The following PDXK variants were observed in gnomAD, a reference collection of about 807,000 sequenced individuals.
PDXK encodes pyridoxal kinase.
In PDXK, 15 loss-of-function variants were observed where a neutral mutation model predicts 43.2. That is an observed-to-expected ratio of 0.35 (90% confidence interval 0.23 to 0.53). The LOEUF is 0.53. PDXK is among the 20% of genes least tolerant of loss of function. The pLI, the probability that PDXK is intolerant of heterozygous loss-of-function variation, is 0.92. For missense variants in PDXK, 343 were observed against 417.0 expected (o/e 0.82, Z 1.54); for synonymous variants, 172 against 165.4 (o/e 1.04, Z -0.31).
intron 1 of PDXK, among the ~76,000 whole-genome samples, chr21:43,724,453 G>A (rs1395862190): frequency 7.9e-5 from 12 of 152,134 alleles, no homozygotes; most frequent in Admixed American, 7.9e-4. Flanking sequence ...CGCGAGCAGC[G>A]AGTAACCCCG....
chr21:43,729,167 C>T (rs1334301415), intron 1 of PDXK, among the ~76,000 whole-genome samples: 3 of 152,008 alleles, frequency 2.0e-5, no homozygotes, highest in Admixed American at 6.6e-5. Flanking sequence ...CGGAGTTACA[C>T]CTTGCGGTAG....
At position 43,735,254 on chromosome 21, in the gene PDXK, T is replaced by C. The variant is rs540240597; in HGVS notation, c.142+1131T>C. Among the ~76,000 whole-genome samples the C allele has an allele frequency of 6.6e-6, 1 of 152,100 alleles. No homozygotes were observed. Among genetic ancestry groups the C allele is most frequent in the East Asian group, 1.9e-4 (1 of 5,188 alleles). ...TCCTGGCTGCTCTCGCCATCCTCCT[T>C]TAGGATTTATTTTTCAGTGAGTGAG... On this transcript the variant is annotated intron_variant, in intron 2 of 10. Transcript: ENST00000291565. This position sits in a 1 kb window ranked among gnomAD's most constrained non-coding sequence, Gnocchi z 5.3.
In PDXK at chr21:43,734,393, C is replaced by T. The variant is rs371785053; in HGVS notation, c.142+270C>T. 2.4e-4 allele frequency among the ~76,000 whole-genome samples: 37 copies of T among 152,258 alleles called. No individual in the cohort carries two copies. The highest frequency in any genetic ancestry group is 8.4e-4 in the African/African-American group (35 of 41,540). On this transcript the variant is annotated intron_variant, in intron 2 of 10. Transcript: ENST00000291565. The surrounding 1 kb of genome is among the most constrained non-coding windows in gnomAD (Gnocchi z 5.0). ...ACCCAGTGCAGGTGGCAGAACCTCT[C>T]GGTGCTTCAGTTTCCTTCTCTGTAA...
chr21:43,719,459 T>C (rs886380636), intron 1 of PDXK, 78 bp downstream of exon 1: 1 of 1,395,358 alleles, frequency 7.2e-7, no homozygotes, highest in East Asian at 3.0e-5. Flanking sequence ...CGAGCCTCAG[T>C]TCCCCGAGGG....
intron 8 of PDXK, 31 bp downstream of exon 8, chr21:43,752,660 C>T (rs1359869220): frequency 3.1e-6 from 4 of 1,307,862 alleles, no homozygotes; most frequent in Non-Finnish European, 2.2e-6. Context: ...CCGTGGCCGC[C>T]TCTGCTCTTC....
intron 1 of PDXK, chr21:43,729,127 C>T (rs2083285909): frequency 1.7e-6 from 1 of 596,046 alleles, no homozygotes; most frequent in Admixed American, 6.3e-5. Flanking sequence ...CTTCCCACCC[C>T]GGCTCCGCTG....
chr21:43,719,395 C>T lies in PDXK; in HGVS notation c.87+14C>T, dbSNP rs192114865. 8.8e-4 allele frequency: 1,331 copies of T among 1,518,946 alleles called. 11 individuals carry two copies. In the African/African-American group the frequency reaches 0.017, roughly 20 times the overall value. 94.1% of individuals were successfully genotyped at this position (1,518,946 alleles called of 1,614,324 possible). A position where few individuals can be genotyped will look rare whatever the true frequency, so the allele number is the denominator to read the frequency against. ...TTCCCGCTGCAGGTACGCATCCGCCCGCAGCCCGGGCTTACGTAACCCGAG... is the reference window on the plus strand; with the variant it reads ...TTCCCGCTGCAGGTACGCATCCGCCTGCAGCCCGGGCTTACGTAACCCGAG... On this transcript the variant is annotated intron_variant, in intron 1 of 10. Coordinates refer to ENST00000291565, the MANE Select transcript of PDXK (RefSeq NM_003681.5).
At chr21:43,743,910 C>A in intron 4 of PDXK, 103 bp downstream of exon 4, 2 of 741,164 alleles carry the variant, frequency 2.7e-6, no homozygotes, top group Non-Finnish European at 4.7e-6. Flanking sequence ...CTCCTCTGCA[C>A]GCCTCCGTGC....
chr21:43,719,371 T>G lies in PDXK; in HGVS notation c.77T>G (p.Phe26Cys). ...TACGTGGGCAACCGGGCGGCCACGT[T>G]CCCGCTGCAGGTACGCATCCGCCCG... Reference protein sequence around the residue: ...RGYVGNRAATFPLQVLGFEID... With the variant: ...RGYVGNRAATCPLQVLGFEID... Residue 26 changes from phenylalanine (F) to cysteine (C), a missense_variant, in exon 1 of 11, where the codon TTC becomes TGC. Phe to Cys is a radical substitution (Grantham distance 205). Transcript: ENST00000291565. 6.6e-7 allele frequency: 1 copy of G among 1,523,742 alleles called. No individual in the cohort carries two copies. The highest frequency in any genetic ancestry group is 8.8e-7 in the Non-Finnish European group (1 of 1,136,688). 94.4% of individuals were successfully genotyped at this position (1,523,742 alleles called of 1,614,324 possible). A position where few individuals can be genotyped will look rare whatever the true frequency, so the allele number is the denominator to read the frequency against.
intron 1 of PDXK, among the ~76,000 whole-genome samples, chr21:43,730,504 C>T (rs1568974825): frequency 6.6e-6 from 1 of 152,180 alleles, no homozygotes; most frequent in African/African-American, 2.4e-5. Flanking sequence ...AAACTACCAA[C>T]CTGAGCAGGA....
chr21:43,755,947 G>A lies in PDXK; in HGVS notation c.827-4G>A, dbSNP rs370055182. 6.1e-5 allele frequency: 97 copies of A among 1,603,040 alleles called. No homozygotes were observed. The highest frequency in any genetic ancestry group is 1.5e-4 in the Admixed American group (9 of 59,604). Reference sequence around the variant, plus strand: ...GAACTCAGTGCTCTCTGCCTGCCCCGCAGCCCAGGCCGGGGAAGGAGTGAG... The same window carrying A: ...GAACTCAGTGCTCTCTGCCTGCCCCACAGCCCAGGCCGGGGAAGGAGTGAG... On this transcript the variant is annotated splice_polypyrimidine_tract_variant and splice_region_variant and intron_variant, in intron 10 of 10. Coordinates refer to ENST00000291565, the MANE Select transcript of PDXK (RefSeq NM_003681.5).
chr21:43,750,879 T>G (rs2083731437), intron 7 of PDXK, among the ~76,000 whole-genome samples: 1 of 151,646 alleles, frequency 6.6e-6, no homozygotes, highest in African/African-American at 2.4e-5. Flanking sequence ...TGTGCATGTG[T>G]GTCCATGGGC....
At chr21:43,739,354 T>G (rs2083455672) in intron 2 of PDXK, among the ~76,000 whole-genome samples, 1 of 152,154 alleles carries the variant, frequency 6.6e-6, no homozygotes, top group Non-Finnish European at 1.5e-5. Context: ...CTGTCTCTTC[T>G]CATTCCTTTG....
rs1031738214 is a variant in PDXK, at chr21:43,737,672, C to T, written c.142+3549C>T. On this transcript the variant is annotated intron_variant, in intron 2 of 10. Transcript: ENST00000291565. The surrounding 1 kb of genome is among the most constrained non-coding windows in gnomAD (Gnocchi z 4.8). ...CTGCGGGGCTGGAGAAGGCCAGGGC[C>T]AGGAGCCTGCCGACGGACACCAGCG... is the stretch of plus-strand genomic sequence containing the variant. The T allele has an allele frequency of 1.4e-4, 110 of 772,792 alleles. No homozygotes were observed. The highest frequency in any genetic ancestry group is 1.7e-4 in the Non-Finnish European group (108 of 640,500). The allele number at this position is 772,792 out of a possible 1,614,324, so 47.9% of individuals were successfully genotyped here.
rs987678484 is a variant in PDXK, at chr21:43,735,621, G to A, written c.142+1498G>A. Reference sequence around the variant, plus strand: ...CCCTTCCCATGGGGTCCAGCCTGTGGTTCCTGGGAGCCCCCACTCCAGCCT... The same window carrying A: ...CCCTTCCCATGGGGTCCAGCCTGTGATTCCTGGGAGCCCCCACTCCAGCCT... On this transcript the variant is annotated intron_variant, in intron 2 of 10. Coordinates refer to ENST00000291565, the MANE Select transcript of PDXK (RefSeq NM_003681.5). The surrounding 1 kb of genome is among the most constrained non-coding windows in gnomAD (Gnocchi z 5.3). 2.6e-5 allele frequency among the ~76,000 whole-genome samples: 4 copies of A among 152,300 alleles called. No individual in the cohort carries two copies. The highest frequency in any genetic ancestry group is 3.4e-3 in the Middle Eastern group (1 of 294).
At chr21:43,747,180 GTAAC>G (rs1259606341) in intron 5 of PDXK, 1 of 152,310 alleles carries the variant, frequency 6.6e-6, no homozygotes, top group Admixed American at 6.5e-5. Flanking sequence ...GAGCTGTGTA[GTAAC>G]AGCAGCAGCT....
At chr21:43,740,781 A>G (rs970615548) in intron 2 of PDXK, among the ~76,000 whole-genome samples, 3 of 151,678 alleles carry the variant, frequency 2.0e-5, no homozygotes, top group East Asian at 3.9e-4. Context: ...ATTCACATCT[A>G]TCTCTTGCTC....
intron 1 of PDXK, chr21:43,720,035 C>T: frequency 6.2e-6 from 4 of 649,664 alleles, no homozygotes; most frequent in Non-Finnish European, 7.7e-6. Flanking sequence ...GAGGAGAAGC[C>T]CCAGAGAGCA....
At position 43,737,709 on chromosome 21, in the gene PDXK, C is replaced by T. The variant is rs868713557; in HGVS notation, c.142+3586C>T. 32 of 700,660 alleles carry T rather than the reference C, an allele frequency of 4.6e-5. No homozygotes were observed. In the Admixed American group the frequency reaches 7.4e-4, roughly 16 times the overall value. The allele number at this position is 700,660 out of a possible 1,614,324, so 43.4% of individuals were successfully genotyped here. ...GACGGACACCAGCGAGGGGCCAGGC[C>T]GGGCCAGGAGCCTGCCGACGGACAC... On this transcript the variant is annotated intron_variant, in intron 2 of 10. Transcript: ENST00000291565. This position sits in a 1 kb window ranked among gnomAD's most constrained non-coding sequence, Gnocchi z 4.8.
Sources: allele counts gnomAD v4.1 joint callset (sites outside exome capture counted in the v4.1 genomes callset), GRCh38; gene constraint gnomAD v4.1.1; non-coding constraint Gnocchi (gnomAD v3.1); transcripts MANE v1.5; gene names NCBI Gene and HGNC (gene_info 2026-07-23, HGNC 2026-07-21).